The following ANO2 variants were observed in gnomAD, a reference collection of about 807,000 sequenced individuals.
ANO2 encodes anoctamin-2.
A neutral mutation model predicts 124.2 loss-of-function variants in ANO2; 101 were observed. The observed-to-expected ratio is 0.81, with a 90% CI of 0.69 to 0.96. The LOEUF (loss-of-function observed/expected upper bound fraction) is 0.96, where lower values mean the gene tolerates loss of function less well. Among genes scored for constraint, ANO2 ranks in the 40% least tolerant of loss-of-function variants. ANO2 has a pLI of 0.00. For missense variants in ANO2, 1,293 were observed against 1,274.5 expected, an observed-to-expected ratio of 1.01 and a Z score of -0.22; for synonymous variants, 486 against 482.5, an observed-to-expected ratio of 1.01 and a Z score of -0.09.
Position 5,757,790 on chromosome 12 carries a change from A to G in ANO2, c.1056-6820T>C, listed in dbSNP as rs576327383. On this transcript the variant is annotated intron_variant, in intron 10 of 24. Transcript: ENST00000682330. ...GTCCAGGGAAAACTGGGATATGTGA[A>G]TAGTTTTACATTTGACAGAGAATGG... Among the ~76,000 whole-genome samples the G allele has an allele frequency of 5.9e-5, 9 of 152,358 alleles. No homozygotes were observed. In the East Asian group the frequency reaches 1.7e-3, roughly 29 times the overall value.
intron 16 of ANO2, among the ~76,000 whole-genome samples, chr12:5,628,679 T>C (rs1456639131): frequency 6.6e-6 from 1 of 151,818 alleles, no homozygotes; most frequent in East Asian, 1.9e-4. Context: ...TGTGTGTGTG[T>C]GTGTGTGTGC....
intron 12 of ANO2, among the ~76,000 whole-genome samples, chr12:5,742,967 C>T (rs1409528577): frequency 6.6e-6 from 1 of 151,948 alleles, no homozygotes; most frequent in Non-Finnish European, 1.5e-5. Context: ...GAACACTGCC[C>T]GTGTGCTCCC....
At chr12:5,902,146 C>T (rs1205184303) in intron 3 of ANO2, among the ~76,000 whole-genome samples, 2 of 152,192 alleles carry the variant, frequency 1.3e-5, no homozygotes, top group Non-Finnish European at 2.9e-5. Context: ...AGCTACAGTG[C>T]ACCTCACTTC....
intron 3 of ANO2, among the ~76,000 whole-genome samples, chr12:5,860,664 C>G (rs1955239411): frequency 6.6e-6 from 1 of 152,182 alleles, no homozygotes; most frequent in African/African-American, 2.4e-5. Context: ...ATGTGTCTCT[C>G]ATATTGACAG....
At chr12:5,721,393 A>C (rs965354162) in intron 14 of ANO2, among the ~76,000 whole-genome samples, 2 of 152,178 alleles carry the variant, frequency 1.3e-5, no homozygotes, top group African/African-American at 4.8e-5. Flanking sequence ...AAATTCCTGC[A>C]ACTTTAAAAC....
At chr12:5,863,132 T>C (rs1955323391) in intron 3 of ANO2, among the ~76,000 whole-genome samples, 1 of 152,192 alleles carries the variant, frequency 6.6e-6, no homozygotes, top group Non-Finnish European at 1.5e-5. Context: ...TCTTTTTCTT[T>C]ATAAATTACC....
chr12:5,569,353 A>T (rs1941966677), intron 23 of ANO2, among the ~76,000 whole-genome samples: 1 of 14,586 alleles, frequency 6.9e-5, no homozygotes, highest in Admixed American at 1.1e-3. Context: ...TGCAGCTGCC[A>T]GCCGTGCCCC....
intron 16 of ANO2, among the ~76,000 whole-genome samples, chr12:5,626,723 C>T (rs1482922571): frequency 6.6e-6 from 1 of 152,026 alleles, no homozygotes; most frequent in East Asian, 1.9e-4. Flanking sequence ...TGGCTGATGC[C>T]CAGGAAGAAC....
chr12:5,624,562 T>G (rs1210563627), intron 16 of ANO2, among the ~76,000 whole-genome samples: 1 of 152,134 alleles, frequency 6.6e-6, no homozygotes, highest in Non-Finnish European at 1.5e-5. Flanking sequence ...CCACCCCTCA[T>G]GTCTTCCCAG....
intron 1 of ANO2, among the ~76,000 whole-genome samples, chr12:5,937,458 T>TAA (rs1382722215): frequency 7.9e-6 from 1 of 126,486 alleles, no homozygotes; most frequent in African/African-American, 2.6e-5. Context: ...TTGTGAATAT[T>TAA]AACTTCTTAT....
chr12:5,823,407 G>A (rs1454569307), intron 7 of ANO2, among the ~76,000 whole-genome samples: 1 of 152,174 alleles, frequency 6.6e-6, no homozygotes, highest in African/African-American at 2.4e-5. Context: ...CATTCCACAT[G>A]GGAGAAATTG....
At chr12:5,662,490 C>T (rs556136046) in intron 14 of ANO2, among the ~76,000 whole-genome samples, 2 of 152,326 alleles carry the variant, frequency 1.3e-5, no homozygotes, top group African/African-American at 4.8e-5. Context: ...CAGCCATGTG[C>T]TCTGGTCAGA....
chr12:5,678,162 G>C (rs551304405), intron 14 of ANO2, among the ~76,000 whole-genome samples: 2 of 152,272 alleles, frequency 1.3e-5, no homozygotes, highest in Non-Finnish European at 2.9e-5. Flanking sequence ...CTAGATAATT[G>C]ATGCTGGCAG....
At chr12:5,778,943 G>C (rs571624621) in intron 10 of ANO2, among the ~76,000 whole-genome samples, 2 of 152,232 alleles carry the variant, frequency 1.3e-5, no homozygotes, top group South Asian at 4.2e-4. Context: ...TTTATTTTTT[G>C]GTTCCCAAGT....
At chr12:5,849,299 G>A (rs1954791118) in intron 4 of ANO2, among the ~76,000 whole-genome samples, 1 of 152,218 alleles carries the variant, frequency 6.6e-6, no homozygotes, top group Non-Finnish European at 1.5e-5. Context: ...CTAATAGCCT[G>A]CATCGACCTT....
At position 5,860,050 on chromosome 12, in the gene ANO2, A is replaced by G. The variant is rs910238279; in HGVS notation, c.535-5909T>C. On this transcript the variant is annotated intron_variant, in intron 3 of 24. Transcript: ENST00000682330. ...CGATAATTTGCACATGGTCTAAGGT[A>G]CCAGCCCCTCTCACCCTCCTCCCCA... Among the ~76,000 whole-genome samples, 30 of 152,086 alleles carry G rather than the reference A, an allele frequency of 2.0e-4. 1 individual carries two copies. Among genetic ancestry groups the G allele is most frequent in the Non-Finnish European group, 4.4e-5 (3 of 68,010 alleles).
chr12:5,700,566 C>G (rs1365688192), intron 14 of ANO2, among the ~76,000 whole-genome samples: 1 of 152,094 alleles, frequency 6.6e-6, no homozygotes, highest in Non-Finnish European at 1.5e-5. Flanking sequence ...CAAAAGCTAG[C>G]AGAAGGCCAG....
intron 6 of ANO2, among the ~76,000 whole-genome samples, chr12:5,830,142 CCTAA>C (rs1457362506): frequency 7.9e-5 from 12 of 152,242 alleles, no homozygotes; most frequent in East Asian, 1.9e-4. Context: ...AAGGGGTTCA[CCTAA>C]CTAACACCCG....
At chr12:5,648,882 C>T (rs1268434869) in intron 14 of ANO2, among the ~76,000 whole-genome samples, 4 of 152,220 alleles carry the variant, frequency 2.6e-5, no homozygotes, top group Middle Eastern at 3.2e-3. Context: ...CCTCTCCCCT[C>T]CTCACCACTG....
Sources: gnomAD v4.1 joint callset for allele counts (sites outside exome capture counted in the v4.1 genomes callset) on GRCh38, gnomAD v4.1.1 for gene constraint, MANE v1.5 for transcripts, NCBI Gene and HGNC (gene_info 2026-07-23, HGNC 2026-07-21) for gene names.